MADD: variants seen among roughly 807,000 people sequenced by gnomAD.
MADD encodes MAP kinase activating death domain.
Under a neutral mutation model 176.7 loss-of-function variants are expected in MADD, and 109 were observed. That is an observed-to-expected ratio of 0.62 (90% CI 0.53 to 0.72). The LOEUF (loss-of-function observed/expected upper bound fraction) is 0.72. MADD is among the 30% of genes least tolerant of loss of function. The probability of loss-of-function intolerance (pLI) is 0.00; values close to 1 mark genes in which losing one functional copy is unlikely to be tolerated. For missense variants in MADD, 1,914 were observed against 2,045.5 expected, an observed-to-expected ratio of 0.94 and a Z score of 1.24; for synonymous variants, 771 against 771.3, an observed-to-expected ratio of 1.00 and a Z score of 0.01.
exon 11 of MADD, chr11:47,284,209 A>C: frequency 6.2e-7 from 1 of 1,614,096 alleles, no homozygotes. Flanking sequence ...TGACGATTCA[A>C]GCTCTTCTTA....
At chr11:47,290,516 C>T (rs565865313) in intron 18 of MADD, 94 bp from the exon 20 acceptor site, 1 of 1,359,848 alleles carries the variant, frequency 7.4e-7, no homozygotes, top group African/African-American at 1.4e-5. Flanking sequence ...TTCTTCCATT[C>T]CGCACCCTCC....
chr11:47,289,750 A>C (rs1237051500), intron 16 of MADD, 117 bp from the exon 18 acceptor site: 1 of 1,204,138 alleles, frequency 8.3e-7, no homozygotes, highest in African/African-American at 1.5e-5. Flanking sequence ...GCACTTGGAC[A>C]TTCAGAGACA....
intron 7 of MADD, among the ~76,000 whole-genome samples, chr11:47,281,069 C>G (rs959141145): frequency 6.6e-6 from 1 of 152,220 alleles, no homozygotes; most frequent in Non-Finnish European, 1.5e-5. Flanking sequence ...TCCTCACTCA[C>G]ATTTGAGAAG....
exon 4 of MADD, chr11:47,275,986 C>A: frequency 6.2e-7 from 1 of 1,614,174 alleles, no homozygotes; most frequent in Non-Finnish European, 8.5e-7. Flanking sequence ...AGATTGAGGC[C>A]TGGATCTATC....
intron 23 of MADD, 51 bp from the exon 27 acceptor site, chr11:47,309,230 T>C (rs1311856439): frequency 6.3e-7 from 1 of 1,590,254 alleles, no homozygotes; most frequent in Non-Finnish European, 8.5e-7. Context: ...GTTTGGCAGC[T>C]ATATTCTTAA....
At chr11:47,322,688 TATC>T (rs2094697345) in intron 27 of MADD, among the ~76,000 whole-genome samples, 1 of 152,214 alleles carries the variant, frequency 6.6e-6, no homozygotes. Flanking sequence ...TTTTAATTTA[TATC>T]ATCCTGTATT....
chr11:47,289,586 G>A, intron 16 of MADD, 93 bp downstream of exon 17: 1 of 1,029,286 alleles, frequency 9.7e-7, no homozygotes, highest in East Asian at 2.4e-5. Context: ...TGGGAGAGAA[G>A]CTCTCAATGG....
At chr11:47,297,217 G>A (rs2073227322) in intron 22 of MADD, among the ~76,000 whole-genome samples, 1 of 152,178 alleles carries the variant, frequency 6.6e-6, no homozygotes, top group South Asian at 2.1e-4. Context: ...GAAGATAAAA[G>A]TTAAATGAAA....
chr11:47,295,473 A>T, intron 20 of MADD, 23 bp from the exon 23 acceptor site: 1 of 1,592,624 alleles, frequency 6.3e-7, no homozygotes, highest in Non-Finnish European at 8.6e-7. Flanking sequence ...CACCTCCCCT[A>T]ATGTTCCTGT....
chr11:47,323,974 G>C, intron 28 of MADD, 139 bp downstream of exon 31: 1 of 970,086 alleles, frequency 1.0e-6, no homozygotes, highest in Non-Finnish European at 1.5e-6. Context: ...AGTACCTAAA[G>C]CTGTCTCTGT....
At chr11:47,278,855 A>G (rs559399437) in intron 6 of MADD, 144 bp from the exon 7 acceptor site, 7 of 608,668 alleles carry the variant, frequency 1.2e-5, no homozygotes, top group Non-Finnish European at 2.1e-5. Context: ...ATATGTGTGT[A>G]CATATATCTT....
intron 23 of MADD, 77 bp from the exon 26 acceptor site, chr11:47,308,903 A>C (rs2085493573): frequency 1.4e-6 from 2 of 1,412,212 alleles, no homozygotes; most frequent in Non-Finnish European, 2.0e-6. Context: ...TTTGGTGTTA[A>C]TCAACAGCCT....
intron 31 of MADD, chr11:47,327,231 G>C: frequency 1.9e-5 from 19 of 998,598 alleles, no homozygotes; most frequent in Non-Finnish European, 2.1e-5. Flanking sequence ...TCTCCACCTG[G>C]CCTCTGTGCC....
chr11:47,295,558 G>A (rs1210359556), exon 21 of MADD: 6 of 1,614,110 alleles, frequency 3.7e-6, no homozygotes, highest in Non-Finnish European at 5.1e-6. Flanking sequence ...GCTCAAGTCA[G>A]GATTCTGAAG....
chr11:47,320,467 T>A (rs975163902), intron 27 of MADD, among the ~76,000 whole-genome samples: 7 of 150,888 alleles, frequency 4.6e-5, no homozygotes, highest in Non-Finnish European at 7.4e-5. Flanking sequence ...AAAAAAAATT[T>A]AAAAAAATGA....
chr11:47,304,640 G>A (rs1404827027), intron 22 of MADD, among the ~76,000 whole-genome samples: 6 of 152,106 alleles, frequency 3.9e-5, no homozygotes, highest in Non-Finnish European at 7.4e-5. Context: ...ATCATGAACT[G>A]TTCTTCTGAT....
chr11:47,290,522 C>A, intron 18 of MADD, 88 bp from the exon 20 acceptor site: 1 of 1,377,486 alleles, frequency 7.3e-7, no homozygotes, highest in Non-Finnish European at 1.0e-6. Flanking sequence ...CATTCCGCAC[C>A]CTCCTGTATC....
rs773492613 is a variant in MADD, at chr11:47,290,723, C to G, written c.3208C>G (p.Gln1070Glu). 3 of 1,614,152 alleles carry G rather than the reference C, an allele frequency of 1.9e-6. No individual in the cohort carries two copies. In the South Asian group the frequency reaches 3.3e-5, roughly 18 times the overall value. The change falls in exon 19 of 33, where the codon CAA becomes GAA. Residue 1070 changes from glutamine (Q) to glutamate (E), a missense_variant. Around this residue, in one of 2 missense-constraint regions of MADD, gnomAD observed 1,767 missense variants for 1,836.0 expected, o/e 0.96. Coordinates refer to ENST00000402192, the Ensembl canonical transcript of MADD. ...GGCTATGGCACAACTGAGAGTTCCACAACTGGGACCTCGGGCACCAAGTGC... is the reference window on the plus strand; with the variant it reads ...GGCTATGGCACAACTGAGAGTTCCAGAACTGGGACCTCGGGCACCAAGTGC...
In MADD at chr11:47,297,450, C is replaced by CT. The variant is rs550191201; in HGVS notation, c.3642+1409dup. ...TTTATTAGGGGTTTTCTTTTCTTTTCTTTTTTTTTTTTTTGAGATGGAGTC... is the reference window on the plus strand; with the variant it reads ...TTTATTAGGGGTTTTCTTTTCTTTTCTTTTTTTTTTTTTTTGAGATGGAGTC... On this transcript the variant is annotated intron_variant, in intron 22 of 32. Transcript: ENST00000402192. 7.2e-3 allele frequency among the ~76,000 whole-genome samples: 1,013 copies of CT among 141,122 alleles called. 2 individuals carry two copies. Among genetic ancestry groups the CT allele is most frequent in the Non-Finnish European group, 9.0e-3 (581 of 64,296 alleles). The allele number at this position is 141,122 out of a possible 152,430, so 92.6% of individuals were successfully genotyped here. A position where few individuals can be genotyped will look rare whatever the true frequency, so the allele number is the denominator to read the frequency against.
Sources: allele counts gnomAD v4.1 joint callset (sites outside exome capture counted in the v4.1 genomes callset), GRCh38; gene constraint gnomAD v4.1.1; regional missense constraint gnomAD v4.1.1; transcripts MANE v1.5; gene names NCBI Gene and HGNC (gene_info 2026-07-23, HGNC 2026-07-21).